Variants in MPRIP observed in about 807,000 individuals in gnomAD.
The protein encoded by MPRIP is myosin phosphatase Rho interacting protein.
A neutral mutation model predicts 234.9 loss-of-function variants in MPRIP; 59 were observed. The ratio of observed to expected loss-of-function variants is 0.25; its 90% CI spans 0.20 to 0.31. The LOEUF is 0.31. Ranked by LOEUF, MPRIP falls within the 10% of genes least tolerant of loss-of-function variation. The pLI is 1.00. For synonymous variants in MPRIP, 1,144 were observed against 1,263.9 expected (o/e 0.91, Z 2.01); for missense variants, 2,436 against 3,071.0 (o/e 0.79, Z 4.89).
intron 3 of MPRIP, among the ~76,000 whole-genome samples, chr17:17,089,444 A>T (rs1286959640): frequency 6.6e-6 from 1 of 152,050 alleles, no homozygotes; most frequent in East Asian, 1.9e-4. Flanking sequence ...TCCCTCTTAG[A>T]TCAGAATCTG....
chr17:17,074,673 ATC>A, intron 1 of MPRIP, among the ~76,000 whole-genome samples: 1 of 152,094 alleles, frequency 6.6e-6, no homozygotes, highest in African/African-American at 2.4e-5. Context: ...GCGACCACTA[ATC>A]TGCTTTCTGT....
chr17:17,192,160 A>T lies in MPRIP; in HGVS notation c.*7266A>T, dbSNP rs919107286. 1.3e-5 allele frequency: 2 copies of T among 152,218 alleles called. No individual in the cohort carries two copies. Among genetic ancestry groups the T allele is most frequent in the African/African-American group, 4.8e-5 (2 of 41,458 alleles). 9.4% of individuals were successfully genotyped at this position (152,218 alleles called of 1,614,324 possible). Reference sequence around the variant, plus strand: ...CTCTGCCGCAGCTTGTGATTCCAGCAGTTCTCACAAACGTTCTGTCACATG... The same window carrying T: ...CTCTGCCGCAGCTTGTGATTCCAGCTGTTCTCACAAACGTTCTGTCACATG... On this transcript the variant is annotated 3_prime_UTR_variant, in exon 24 of 24. Transcript: ENST00000651222.
At chr17:17,054,643 A>T (rs762088252) in intron 1 of MPRIP, among the ~76,000 whole-genome samples, 37 of 151,984 alleles carry the variant, frequency 2.4e-4, no homozygotes, top group African/African-American at 1.9e-4. Flanking sequence ...AACTCCACAC[A>T]GGCAGTGGGT....
chr17:17,138,307 T>A lies in MPRIP; in HGVS notation c.1128T>A (p.Pro376=). The change falls in exon 7 of 24, where the codon CCT becomes CCA. Residue 376 remains proline, a synonymous_variant. Transcript: ENST00000651222. The surrounding 1 kb of genome is among the most constrained non-coding windows in gnomAD (Gnocchi z 5.8). ...SRQYATLADV[P]KAIRISHREA... ...AATATGCCACCCTGGCCGACGTCCC[T>A]AAGGCCATCAGGATCAGCCACCGAG... 2.4e-6 allele frequency: 1 copy of A among 422,400 alleles called. No homozygotes were observed. The highest frequency in any genetic ancestry group is 4.2e-6 in the Non-Finnish European group (1 of 238,740). The allele number at this position is 422,400 out of a possible 1,614,324, so 26.2% of individuals were successfully genotyped here. A position where few individuals can be genotyped will look rare whatever the true frequency, so the allele number is the denominator to read the frequency against.
At chr17:17,110,493 A>G (rs1482564595) in intron 3 of MPRIP, among the ~76,000 whole-genome samples, 1 of 152,040 alleles carries the variant, frequency 6.6e-6, no homozygotes, top group Non-Finnish European at 1.5e-5. Context: ...TTATGCAGCT[A>G]CTCCTTACTT....
At chr17:17,085,854 A>T (rs576163578) in intron 3 of MPRIP, among the ~76,000 whole-genome samples, 1 of 152,316 alleles carries the variant, frequency 6.6e-6, no homozygotes, top group East Asian at 1.9e-4. Context: ...CAGAGCTTGC[A>T]GTGAGCTGAG....
At chr17:17,083,137 A>C (rs2089504965) in intron 3 of MPRIP, among the ~76,000 whole-genome samples, 1 of 152,220 alleles carries the variant, frequency 6.6e-6, no homozygotes, top group Non-Finnish European at 1.5e-5. Context: ...GAGCTGCCTG[A>C]CTGTGTAGGG....
intron 13 of MPRIP, among the ~76,000 whole-genome samples, chr17:17,155,351 C>G (rs1238482146): frequency 1.3e-5 from 2 of 151,860 alleles, no homozygotes; most frequent in Non-Finnish European, 2.9e-5. Context: ...CTCGTGGGTT[C>G]AAGCAGTTCT....
chr17:17,116,937 C>T (rs114023373), intron 3 of MPRIP, among the ~76,000 whole-genome samples: 59 of 152,298 alleles, frequency 3.9e-4, no homozygotes, highest in African/African-American at 1.4e-3. Context: ...ATTGACCCTT[C>T]GGCTTGGTCC....
chr17:17,126,927 C>CT (rs1171387382), intron 4 of MPRIP, 74 bp downstream of exon 4: 2 of 1,548,152 alleles, frequency 1.3e-6, no homozygotes, highest in Non-Finnish European at 1.8e-6. Flanking sequence ...CCGCCTGCCC[C>CT]TGTGGCAGTG....
chr17:17,130,461 C>G (rs868671215), intron 4 of MPRIP, among the ~76,000 whole-genome samples: 2 of 151,674 alleles, frequency 1.3e-5, no homozygotes, highest in African/African-American at 4.9e-5. Context: ...TCCTCTCCAC[C>G]TCAAATTAAA....
At chr17:17,131,056 C>T (rs1322722968) in intron 4 of MPRIP, among the ~76,000 whole-genome samples, 2 of 152,292 alleles carry the variant, frequency 1.3e-5, no homozygotes, top group East Asian at 3.9e-4. Context: ...CCAGAGTGAA[C>T]TTGCCACACA....
At chr17:17,146,364 C>T (rs1304213424) in intron 10 of MPRIP, among the ~76,000 whole-genome samples, 2 of 152,204 alleles carry the variant, frequency 1.3e-5, no homozygotes, top group African/African-American at 4.8e-5. Flanking sequence ...CTTAGGGATG[C>T]CTTGTAACAC....
intron 3 of MPRIP, among the ~76,000 whole-genome samples, chr17:17,115,460 G>A (rs866203132): frequency 1.7e-4 from 26 of 152,346 alleles, no homozygotes; most frequent in Middle Eastern, 3.4e-3. Context: ...TCTTTCTCGT[G>A]ATGGAGCCAT....
chr17:17,091,217 C>T (rs1260093637), intron 3 of MPRIP, among the ~76,000 whole-genome samples: 1 of 152,028 alleles, frequency 6.6e-6, no homozygotes, highest in African/African-American at 2.4e-5. Context: ...GTCCCAGCAG[C>T]GGACCCAGAG....
At chr17:17,107,221 A>G (rs1163360902) in intron 3 of MPRIP, among the ~76,000 whole-genome samples, 1 of 152,188 alleles carries the variant, frequency 6.6e-6, no homozygotes, top group East Asian at 1.9e-4. Context: ...TTCTCTGTGA[A>G]TCAGTTCTGA....
At chr17:17,064,440 C>G (rs548833051) in intron 1 of MPRIP, among the ~76,000 whole-genome samples, 1 of 152,172 alleles carries the variant, frequency 6.6e-6, no homozygotes, top group African/African-American at 2.4e-5. Flanking sequence ...ATCCCATGTA[C>G]CCCTTTGCCC....
chr17:17,154,101 C>T (rs944136465), intron 12 of MPRIP, among the ~76,000 whole-genome samples: 4 of 152,214 alleles, frequency 2.6e-5, no homozygotes, highest in African/African-American at 7.2e-5. Context: ...CACAAATACA[C>T]GTCCCTCCCA....
At chr17:17,063,901 C>T (rs1247260410) in intron 1 of MPRIP, among the ~76,000 whole-genome samples, 2 of 152,220 alleles carry the variant, frequency 1.3e-5, no homozygotes, top group African/African-American at 4.8e-5. Flanking sequence ...GTCCCTTGCC[C>T]CTGGCCACCC....
Sources: allele counts gnomAD v4.1 joint callset (sites outside exome capture counted in the v4.1 genomes callset), GRCh38; gene constraint gnomAD v4.1.1; non-coding constraint Gnocchi (gnomAD v3.1); transcripts MANE v1.5; gene names NCBI Gene and HGNC (gene_info 2026-07-23, HGNC 2026-07-21).